BRINP2: variants seen among roughly 807,000 people sequenced by gnomAD.
The protein encoded by BRINP2 is BMP/retinoic acid inducible neural specific 2.
BRINP2 carries 21 observed loss-of-function variants against 69.2 expected under a neutral mutation model. The observed-to-expected ratio is 0.30, with a 90% CI of 0.22 to 0.44. BRINP2 has a LOEUF of 0.44. Among genes scored for constraint, BRINP2 ranks in the 20% least tolerant of loss-of-function variants. BRINP2 has a pLI of 1.00. For missense variants in BRINP2, 877 were observed against 986.0 expected (o/e 0.89, Z 1.48); for synonymous variants, 380 against 394.1 (o/e 0.96, Z 0.42).
intron 2 of BRINP2, among the ~76,000 whole-genome samples, chr1:177,250,822 TCAGA>T (rs912757296): frequency 1.3e-5 from 2 of 152,218 alleles, no homozygotes; most frequent in Non-Finnish European, 2.9e-5. Flanking sequence ...TGTACTGGAG[TCAGA>T]CAGTCTGTGT....
chr1:177,237,028 C>A (rs1476402020), intron 2 of BRINP2, among the ~76,000 whole-genome samples: 1 of 151,918 alleles, frequency 6.6e-6, no homozygotes, highest in Non-Finnish European at 1.5e-5. Flanking sequence ...GGACCAAAAG[C>A]AACTTCTTAC....
At chr1:177,242,400 T>C (rs1650232217) in intron 2 of BRINP2, among the ~76,000 whole-genome samples, 1 of 152,192 alleles carries the variant, frequency 6.6e-6, no homozygotes, top group Non-Finnish European at 1.5e-5. Context: ...CCACCATTTC[T>C]TCCTGTTTTT....
At chr1:177,176,764 T>C (rs1648100098) in intron 1 of BRINP2, among the ~76,000 whole-genome samples, 1 of 143,768 alleles carries the variant, frequency 7.0e-6, no homozygotes, top group South Asian at 2.1e-4. Context: ...CTATATTTAT[T>C]TGAAGAGGGA....
chr1:177,225,477 T>G (rs1245336500), intron 1 of BRINP2, among the ~76,000 whole-genome samples: 1 of 152,220 alleles, frequency 6.6e-6, no homozygotes, highest in Non-Finnish European at 1.5e-5. Flanking sequence ...CATGGAGGCT[T>G]ACTTATGCAG....
At position 177,266,482 on chromosome 1, in the gene BRINP2, G is replaced by A. The variant is rs558303410; in HGVS notation, c.670-7006G>A. 1.3e-4 allele frequency among the ~76,000 whole-genome samples: 20 copies of A among 151,974 alleles called. No individual in the cohort carries two copies. In the South Asian group the frequency reaches 2.1e-3, roughly 16 times the overall value. On this transcript the variant is annotated intron_variant, in intron 4 of 7. Transcript: ENST00000361539. ...CAGCTTAAAAAGGTAACTTTTGGCT[G>A]GGCGCGGTGGCTCACGCCTGTAATC...
intron 2 of BRINP2, among the ~76,000 whole-genome samples, chr1:177,248,187 C>T (rs1650449043): frequency 6.6e-6 from 1 of 152,140 alleles, no homozygotes; most frequent in Non-Finnish European, 1.5e-5. Flanking sequence ...TTGAGTATCA[C>T]TTATCCAAAA....
At chr1:177,180,014 A>G (rs1648200865) in intron 1 of BRINP2, among the ~76,000 whole-genome samples, 1 of 152,210 alleles carries the variant, frequency 6.6e-6, no homozygotes, top group South Asian at 2.1e-4. Context: ...ATCTCTTATA[A>G]TAAAAGGTTA....
At chr1:177,226,997 C>T (rs572819669) in intron 1 of BRINP2, among the ~76,000 whole-genome samples, 2 of 152,190 alleles carry the variant, frequency 1.3e-5, no homozygotes, top group Non-Finnish European at 2.9e-5. Context: ...TATTCAGAAA[C>T]CTTTGTCCTC....
In BRINP2 at chr1:177,257,367, G is replaced by A. The variant is rs147681756; in HGVS notation, c.652G>A (p.Ala218Thr). ...GCGACGGCTGCACCATATCCAGATA[G>A]CCACGGGGGCCATCAAGGTAATGAC... ...TLRRLHHIQI[A>T]TGAIKVTETR... is the part of the protein sequence containing the mutation. Residue 218 changes from alanine (A) to threonine (T), a missense_variant, in exon 4 of 8, where the codon GCC becomes ACC. Coordinates refer to ENST00000361539, the MANE Select transcript of BRINP2 (RefSeq NM_021165.4). 375 of 1,610,514 alleles carry A rather than the reference G, an allele frequency of 2.3e-4. 1 individual carries two copies. The African/African-American group carries it at 4.7e-3, about 20-fold the overall frequency.
At chr1:177,185,503 GT>G (rs1648402097) in intron 1 of BRINP2, among the ~76,000 whole-genome samples, 1 of 152,216 alleles carries the variant, frequency 6.6e-6, no homozygotes, top group African/African-American at 2.4e-5. Context: ...TGCATGCGGA[GT>G]TAGGGGAAAA....
Position 177,256,097 on chromosome 1 carries a change from G to C in BRINP2, c.448G>C (p.Ala150Pro). 1 of 1,613,994 alleles carries C rather than the reference G, an allele frequency of 6.2e-7. No homozygotes were observed. The highest frequency in any genetic ancestry group is 8.5e-7 in the Non-Finnish European group (1 of 1,179,916). The part of the protein sequence containing the change: ...KKYGTHFLLS[A>P]TLGGEESLTI... The stretch of plus-strand genomic sequence containing the variant: ...GTACGGCACTCATTTCTTACTTTCT[G>C]CCACCCTTGGAGGTAAGCAACATCA... Residue 150 changes from alanine (A) to proline (P), a missense_variant, in exon 3 of 8, where the codon GCC (alanine) becomes CCC (proline). Transcript: ENST00000361539.
At chr1:177,251,208 A>G (rs756806725) in intron 2 of BRINP2, among the ~76,000 whole-genome samples, 37 of 152,164 alleles carry the variant, frequency 2.4e-4, no homozygotes, top group Non-Finnish European at 4.1e-4. Context: ...GAGGCATCTC[A>G]ATTTCTTCTC....
intron 1 of BRINP2, among the ~76,000 whole-genome samples, chr1:177,188,839 A>G (rs1165713538): frequency 6.6e-6 from 1 of 152,068 alleles, no homozygotes; most frequent in Admixed American, 6.6e-5. Flanking sequence ...ACCCACACCT[A>G]TCTTTCCTGA....
intron 3 of BRINP2, chr1:177,256,387 T>C (rs191522587): frequency 1.5e-5 from 15 of 985,422 alleles, no homozygotes; most frequent in Non-Finnish European, 2.4e-6. Context: ...ACTCCCAGTT[T>C]TCGCTCCGCT....
intron 1 of BRINP2, among the ~76,000 whole-genome samples, chr1:177,197,783 G>A (rs1025071900): frequency 1.3e-5 from 2 of 152,156 alleles, no homozygotes; most frequent in African/African-American, 4.8e-5. Context: ...CTGAAGCCTT[G>A]AATGAATTGG....
intron 4 of BRINP2, among the ~76,000 whole-genome samples, chr1:177,266,617 G>A (rs141342817): frequency 3.6e-4 from 55 of 151,728 alleles, no homozygotes; most frequent in African/African-American, 9.7e-4. Flanking sequence ...AAAATTAGCC[G>A]GGCGTGGTGG....
chr1:177,177,101 G>A (rs1228993134), intron 1 of BRINP2, among the ~76,000 whole-genome samples: 2 of 151,994 alleles, frequency 1.3e-5, no homozygotes, highest in Non-Finnish European at 2.9e-5. Flanking sequence ...GAAAGGCATG[G>A]CCATGTATTA....
chr1:177,256,411 C>G lies in BRINP2; in HGVS notation c.460+302C>G, dbSNP rs1650760390. ...TTTCGCTCCGCTGAGTCACCCAACC[C>G]CTGAGGCTTCGCCACTTTCTAATGT... On this transcript the variant is annotated intron_variant, in intron 3 of 7. Transcript: ENST00000361539. 9 of 985,254 alleles carry G rather than the reference C, an allele frequency of 9.1e-6. No individual in the cohort carries two copies. The South Asian group carries it at 4.2e-4, about 46-fold the overall frequency. The allele number at this position is 985,254 out of a possible 1,614,324, so 61.0% of individuals were successfully genotyped here.
chr1:177,177,534 G>C (rs1394070920), intron 1 of BRINP2, among the ~76,000 whole-genome samples: 2 of 152,118 alleles, frequency 1.3e-5, no homozygotes, highest in East Asian at 3.9e-4. Flanking sequence ...TCACAACCCT[G>C]TGGGATGGTT....
Sources: allele counts gnomAD v4.1 joint callset (sites outside exome capture counted in the v4.1 genomes callset), GRCh38; gene constraint gnomAD v4.1.1; transcripts MANE v1.5; gene names NCBI Gene and HGNC (gene_info 2026-07-23, HGNC 2026-07-21).